Variants in MDGA2 observed in about 807,000 individuals in gnomAD.
MDGA2 encodes the protein MAM domain-containing glycosylphosphatidylinositol anchor protein 2.
A neutral mutation model predicts 117.8 loss-of-function variants in MDGA2; 40 were observed. The ratio of observed to expected loss-of-function variants is 0.34; its 90% CI spans 0.26 to 0.44. The LOEUF (loss-of-function observed/expected upper bound fraction) is 0.44. Ranked by LOEUF, MDGA2 falls within the 20% of genes least tolerant of loss-of-function variation. The pLI, the probability that MDGA2 is intolerant of heterozygous loss-of-function variation, is 1.00. For synonymous variants in MDGA2, 452 were observed against 439.0 expected (o/e 1.03, Z -0.37); for missense variants, 1,123 against 1,250.6 (o/e 0.90, Z 1.54).
intron 6 of MDGA2, among the ~76,000 whole-genome samples, chr14:47,092,279 A>C (rs72678482): frequency 0.079 from 12,086 of 152,212 alleles, 670 homozygotes; most frequent in Admixed American, 0.13. Context: ...GAAAATTTGA[A>C]AATTCCTCTA....
chr14:47,107,641 G>A (rs373343314), intron 5 of MDGA2, among the ~76,000 whole-genome samples: 2 of 150,904 alleles, frequency 1.3e-5, no homozygotes, highest in Admixed American at 6.6e-5. Context: ...AAAAACACAC[G>A]TGCTCTCCCT....
chr14:47,478,005 G>A (rs1198603297), intron 1 of MDGA2, among the ~76,000 whole-genome samples: 1 of 152,098 alleles, frequency 6.6e-6, no homozygotes, highest in Non-Finnish European at 1.5e-5. Context: ...GTATCTTGCT[G>A]CTTTTAAGGT....
chr14:47,672,963 A>T (rs1000581462), intron 1 of MDGA2, among the ~76,000 whole-genome samples: 2 of 152,080 alleles, frequency 1.3e-5, no homozygotes, highest in Non-Finnish European at 2.9e-5. Flanking sequence ...ACGTCCCCCC[A>T]TTACCACAAC....
chr14:47,228,144 C>T (rs574572196), intron 2 of MDGA2, among the ~76,000 whole-genome samples: 10 of 152,136 alleles, frequency 6.6e-5, no homozygotes, highest in African/African-American at 1.9e-4. Context: ...AAAAACACAA[C>T]ATACTAGTAT....
intron 1 of MDGA2, among the ~76,000 whole-genome samples, chr14:47,460,806 C>T (rs936934124): frequency 6.6e-6 from 1 of 152,038 alleles, no homozygotes; most frequent in South Asian, 2.1e-4. Flanking sequence ...CCATTGTTCG[C>T]CTTGGAATGA....
chr14:46,846,409 T>C (rs1339599972), intron 15 of MDGA2, among the ~76,000 whole-genome samples: 1 of 152,150 alleles, frequency 6.6e-6, no homozygotes, highest in Non-Finnish European at 1.5e-5. Context: ...GTTGACTTTA[T>C]AATTTACCTC....
At chr14:47,015,566 A>G (rs1279791196) in intron 8 of MDGA2, among the ~76,000 whole-genome samples, 1 of 152,108 alleles carries the variant, frequency 6.6e-6, no homozygotes, top group African/African-American at 2.4e-5. Context: ...TAGGTGTGGA[A>G]AAGTCATGAC....
At chr14:46,873,264 G>T in intron 14 of MDGA2, 169 bp downstream of exon 14, 1 of 543,568 alleles carries the variant, frequency 1.8e-6, no homozygotes, top group Non-Finnish European at 3.0e-6. Context: ...TAAATTAGAT[G>T]GTGGGAAAAA....
intron 9 of MDGA2, 125 bp from the exon 10 acceptor site, chr14:46,920,285 T>C (rs1011184345): frequency 2.9e-5 from 26 of 909,734 alleles, no homozygotes; most frequent in Middle Eastern, 3.3e-4. Context: ...TCCAATCAAT[T>C]TTCTGGATAT....
At position 47,083,276 on chromosome 14, in the gene MDGA2, C is replaced by T. The variant is rs1890774214; in HGVS notation, c.1195+13578G>A. Among the ~76,000 whole-genome samples, 5 of 151,932 alleles carry T rather than the reference C, an allele frequency of 3.3e-5. No individual in the cohort carries two copies. The South Asian group carries it at 1.0e-3, about 32-fold the overall frequency. On this transcript the variant is annotated intron_variant, in intron 6 of 16. Coordinates refer to ENST00000399232, the MANE Select transcript of MDGA2 (RefSeq NM_001113498.3). The stretch of plus-strand genomic sequence containing the variant: ...CACACAAAAAATCCACATCTAAGCA[C>T]TTACTATAAAATGTCTAAAGATAAC...
chr14:47,542,206 C>A (rs1895367281), intron 1 of MDGA2, among the ~76,000 whole-genome samples: 1 of 152,194 alleles, frequency 6.6e-6, no homozygotes, highest in African/African-American at 2.4e-5. Context: ...AGCCTTAAAG[C>A]ATAATCTTAA....
chr14:47,055,163 C>G (rs931006680), intron 7 of MDGA2, among the ~76,000 whole-genome samples: 2 of 151,948 alleles, frequency 1.3e-5, no homozygotes, highest in African/African-American at 4.8e-5. Context: ...ACAGGAAAAG[C>G]TGTCATTGTC....
At chr14:47,000,286 T>C (rs915478829) in intron 8 of MDGA2, among the ~76,000 whole-genome samples, 3 of 145,672 alleles carry the variant, frequency 2.1e-5, no homozygotes, top group African/African-American at 5.0e-5. Flanking sequence ...AGGATAATAA[T>C]AGCTTTCTTG....
In MDGA2 at chr14:47,082,695, AGACTT is replaced by A. The variant is rs1890752694; in HGVS notation, c.1195+14154_1195+14158del. 3.9e-5 allele frequency among the ~76,000 whole-genome samples: 6 copies of A among 152,208 alleles called. No homozygotes were observed. The South Asian group carries it at 1.2e-3, about 32-fold the overall frequency. On this transcript the variant is annotated intron_variant, in intron 6 of 16. Transcript: ENST00000399232. Reference sequence around the variant, plus strand: ...AATAAATGGCAGTCAGTAAAAAATAAGACTTGTCAAGAGAGAAGACAAAGAAAAAT... The same window carrying A: ...AATAAATGGCAGTCAGTAAAAAATAAGTCAAGAGAGAAGACAAAGAAAAAT...
intron 1 of MDGA2, among the ~76,000 whole-genome samples, chr14:47,576,992 C>T (rs1027099660): frequency 1.3e-5 from 2 of 152,074 alleles, no homozygotes; most frequent in East Asian, 3.9e-4. Flanking sequence ...TTTAAGCAAC[C>T]CTCTTGCCTC....
intron 1 of MDGA2, among the ~76,000 whole-genome samples, chr14:47,654,993 G>C (rs971037601): frequency 6.6e-6 from 1 of 152,028 alleles, no homozygotes; most frequent in Non-Finnish European, 1.5e-5. Context: ...ATGTTGCTAG[G>C]ATAAAGACAG....
At chr14:47,314,072 GTA>G (rs1889726299) in intron 1 of MDGA2, among the ~76,000 whole-genome samples, 1 of 152,132 alleles carries the variant, frequency 6.6e-6, no homozygotes, top group African/African-American at 2.4e-5. Context: ...AGTGTGAAGT[GTA>G]TAGAGATTGA....
In MDGA2 at chr14:47,073,958, G is replaced by T. The variant is rs577996345; in HGVS notation, c.1196-12380C>A. Among the ~76,000 whole-genome samples the T allele has an allele frequency of 7.6e-4, 115 of 152,158 alleles. 2 individuals carry two copies. Among genetic ancestry groups the T allele is most frequent in the African/African-American group, 2.7e-3 (112 of 41,518 alleles). Reference sequence around the variant, plus strand: ...TTCTAAAGCTGACCTCTTAAATTGTGCTCCTGAACTCAGCTCCAGCTTTGC... The same window carrying T: ...TTCTAAAGCTGACCTCTTAAATTGTTCTCCTGAACTCAGCTCCAGCTTTGC... On this transcript the variant is annotated intron_variant, in intron 6 of 16. Transcript: ENST00000399232.
At chr14:47,364,230 T>G (rs1444251905) in intron 1 of MDGA2, among the ~76,000 whole-genome samples, 1 of 152,186 alleles carries the variant, frequency 6.6e-6, no homozygotes, top group Non-Finnish European at 1.5e-5. Context: ...GACACAATAC[T>G]GAATATGCTA....
Sources: gnomAD v4.1 joint callset for allele counts (sites outside exome capture counted in the v4.1 genomes callset) on GRCh38, gnomAD v4.1.1 for gene constraint, MANE v1.5 for transcripts, NCBI Gene and HGNC (gene_info 2026-07-23, HGNC 2026-07-21) for gene names.